Variants in PPP2R1B observed in about 807,000 individuals in gnomAD.
PPP2R1B encodes the protein serine/threonine-protein phosphatase 2A 65 kDa regulatory subunit A beta isoform.
Under a neutral mutation model 72.7 loss-of-function variants are expected in PPP2R1B, and 58 were observed. The observed-to-expected ratio is 0.80, with a 90% CI of 0.65 to 0.99. The LOEUF is 0.99. Ranked by LOEUF, PPP2R1B falls within the 50% of genes least tolerant of loss-of-function variation. PPP2R1B has a pLI of 0.00. For synonymous variants in PPP2R1B, 256 were observed against 264.6 expected (o/e 0.97, Z 0.32); for missense variants, 695 against 733.6 (o/e 0.95, Z 0.61).
chr11:111,694,026 C>T, the PPP2R1B span, among the ~76,000 whole-genome samples: 1 of 152,152 alleles, frequency 6.6e-6, no homozygotes, highest in Non-Finnish European at 1.5e-5. Flanking sequence ...GTGATTATTA[C>T]TTGAGTTGAT....
At chr11:111,755,626 G>A (rs1298272849) in intron 5 of PPP2R1B, among the ~76,000 whole-genome samples, 176 bp from the exon 6 acceptor site, 1 of 137,104 alleles carries the variant, frequency 7.3e-6, no homozygotes, top group African/African-American at 2.7e-5. Flanking sequence ...GTCTCACTCT[G>A]TCACCCAGAT....
the PPP2R1B span, chr11:111,704,952 A>T: frequency 6.4e-7 from 1 of 1,563,716 alleles, no homozygotes; most frequent in Non-Finnish European, 8.6e-7. Flanking sequence ...TGGTCTTTAC[A>T]GTTCTTTGCC....
the PPP2R1B span, among the ~76,000 whole-genome samples, chr11:111,702,060 C>T: frequency 6.6e-6 from 1 of 152,170 alleles, no homozygotes; most frequent in South Asian, 2.1e-4. Flanking sequence ...TTTTGGTTAT[C>T]ATTCTTAACT....
chr11:111,711,121 A>AT, the PPP2R1B span, among the ~76,000 whole-genome samples: 5,973 of 143,892 alleles, frequency 0.042, 200 homozygotes, highest in African/African-American at 0.084. Context: ...CTTTTAAATG[A>AT]TTTTTTTTTT....
the PPP2R1B span, among the ~76,000 whole-genome samples, chr11:111,689,969 T>C: frequency 2.2e-5 from 3 of 137,870 alleles, no homozygotes; most frequent in Non-Finnish European, 3.1e-5. Context: ...TATTCATTTG[T>C]GTGTGTGTGT....
At chr11:111,706,122 G>A in the PPP2R1B span, among the ~76,000 whole-genome samples, 1 of 152,176 alleles carries the variant, frequency 6.6e-6, no homozygotes, top group Non-Finnish European at 1.5e-5. Context: ...TTTCCCAAGT[G>A]TGTAATGGGG....
In PPP2R1B at chr11:111,766,228, C is replaced by A; in HGVS notation, c.114+20G>T. On this transcript the variant is annotated intron_variant, in intron 1 of 14. Transcript: ENST00000527614. ...GCGACCAGCCGGTCTCGCCTCGGGTCCCCGGCCTCAGTCCAGTACCTGCAC... is the reference window on the plus strand; with the variant it reads ...GCGACCAGCCGGTCTCGCCTCGGGTACCCGGCCTCAGTCCAGTACCTGCAC... 6.2e-7 allele frequency: 1 copy of A among 1,611,976 alleles called. No individual in the cohort carries two copies. Among genetic ancestry groups the A allele is most frequent in the Non-Finnish European group, 8.5e-7 (1 of 1,178,506 alleles).
chr11:111,729,557 G>C (rs1944112991), intron 15 of PPP2R1B: 1 of 152,272 alleles, frequency 6.6e-6, no homozygotes, highest in Admixed American at 6.5e-5. Flanking sequence ...ACGCGCTTGG[G>C]TTGACTGGCT....
intron 5 of PPP2R1B, among the ~76,000 whole-genome samples, chr11:111,757,207 C>G (rs1295109540): frequency 3.3e-5 from 5 of 151,764 alleles, no homozygotes; most frequent in African/African-American, 1.2e-4. Context: ...AAGGTAGAAT[C>G]TTAATACATG....
At chr11:111,726,980 G>A in exon 16 of PPP2R1B, 1 of 1,613,702 alleles carries the variant, frequency 6.2e-7, no homozygotes, top group Non-Finnish European at 8.5e-7. Flanking sequence ...CTGTGCTTTG[G>A]GAGAAATGCA....
Position 111,754,505 on chromosome 11 carries a change from A to G in PPP2R1B, c.1023T>C (p.Tyr341=), listed in dbSNP as rs782778352. 3.1e-6 allele frequency: 5 copies of G among 1,603,124 alleles called. No homozygotes were observed. In the Admixed American group the frequency reaches 8.8e-5, roughly 28 times the overall value. ...AAAATAAAGTCAGGTTTACCTTTAT[A>G]TAAGGCAGAATTTGATTCATAATTA... The part of the protein sequence containing the change: ...ETIIMNQILP[Y]IKELVSDTNQ... Residue 341 remains tyrosine, a synonymous_variant, in exon 8 of 15, where the codon TAT becomes TAC. Transcript: ENST00000527614.
At chr11:111,721,092 C>T in the PPP2R1B span, 2 of 1,591,842 alleles carry the variant, frequency 1.3e-6, no homozygotes, top group Non-Finnish European at 1.7e-6. Flanking sequence ...CCCTCAATGG[C>T]TCTGTGAGGA....
the PPP2R1B span, among the ~76,000 whole-genome samples, chr11:111,691,058 A>G: frequency 6.6e-6 from 1 of 152,234 alleles, no homozygotes; most frequent in African/African-American, 2.4e-5. Flanking sequence ...GAAACTTGCA[A>G]ACAAAAAACA....
downstream of PPP2R1B, among the ~76,000 whole-genome samples, chr11:111,735,943 CG>C (rs1944328238): frequency 6.6e-6 from 1 of 152,210 alleles, no homozygotes. Context: ...ATCTCACCCT[CG>C]GGTCATTTTC....
intron 5 of PPP2R1B, among the ~76,000 whole-genome samples, chr11:111,756,230 A>AG (rs1215853008): frequency 6.6e-6 from 1 of 151,192 alleles, no homozygotes; most frequent in Admixed American, 6.6e-5. Flanking sequence ...AAGGAAAAAA[A>AG]AAAAAAGAAA....
At position 111,738,799 on chromosome 11, in the gene PPP2R1B, T is replaced by G; in HGVS notation, c.*2797A>C. The G allele has an allele frequency of 1.2e-5, 12 of 985,216 alleles. No individual in the cohort carries two copies. Among genetic ancestry groups the G allele is most frequent in the Non-Finnish European group, 1.4e-5 (12 of 829,938 alleles). 61.0% of individuals were successfully genotyped at this position (985,216 alleles called of 1,614,324 possible). ...CCTGGTCTCTTAAACCTGTGAGGGG[T>G]AAACCCCACACAAATTACAGAGAGA... is the stretch of plus-strand genomic sequence containing the variant. On this transcript the variant is annotated 3_prime_UTR_variant, in exon 15 of 15. Transcript: ENST00000527614.
chr11:111,723,487 C>A, downstream of PPP2R1B: 1 of 1,581,474 alleles, frequency 6.3e-7, no homozygotes, highest in East Asian at 2.3e-5. Context: ...TTTGATATTA[C>A]CAATTTAGGC....
the PPP2R1B span, among the ~76,000 whole-genome samples, chr11:111,711,513 G>A: frequency 6.6e-6 from 1 of 152,220 alleles, no homozygotes; most frequent in Admixed American, 6.5e-5. Context: ...ACCATCAGGA[G>A]CTTTCTATAG....
rs1944478706 is a variant in PPP2R1B, at chr11:111,740,375, G to A, written c.*1221C>T. 10 of 883,228 alleles carry A rather than the reference G, an allele frequency of 1.1e-5. No individual in the cohort carries two copies. The highest frequency in any genetic ancestry group is 1.8e-5 in the African/African-American group (1 of 54,900). The allele number at this position is 883,228 out of a possible 1,614,324, so 54.7% of individuals were successfully genotyped here. A position where few individuals can be genotyped will look rare whatever the true frequency, so the allele number is the denominator to read the frequency against. ...TGGGACTACAGGTGTGTGCCACCAC[G>A]CCCAGCTAACTTTTTTGTATTTTTA... is the stretch of plus-strand genomic sequence containing the variant. On this transcript the variant is annotated 3_prime_UTR_variant, in exon 15 of 15. Transcript: ENST00000527614.
Sources: gnomAD v4.1 joint callset for allele counts (sites outside exome capture counted in the v4.1 genomes callset) on GRCh38, gnomAD v4.1.1 for gene constraint, MANE v1.5 for transcripts, NCBI Gene and HGNC (gene_info 2026-07-23, HGNC 2026-07-21) for gene names.